RAP1GDS1: variants seen among roughly 807,000 people sequenced by gnomAD.
RAP1GDS1 encodes RAP1, GTP-GDP dissociation stimulator 1.
In RAP1GDS1, 35 loss-of-function variants were observed where a neutral mutation model predicts 71.1. The ratio of observed to expected loss-of-function variants is 0.49; its 90% CI spans 0.38 to 0.65. The LOEUF (loss-of-function observed/expected upper bound fraction) is 0.65. RAP1GDS1 is among the 30% of genes least tolerant of loss of function. The pLI, the probability that RAP1GDS1 is intolerant of heterozygous loss-of-function variation, is 0.00. For missense variants in RAP1GDS1, 663 were observed against 706.1 expected (o/e 0.94, Z 0.69); for synonymous variants, 229 against 243.1 (o/e 0.94, Z 0.54).
intron 1 of RAP1GDS1, among the ~76,000 whole-genome samples, chr4:98,275,528 A>G (rs1313751596): frequency 1.3e-5 from 2 of 152,100 alleles, no homozygotes; most frequent in African/African-American, 4.8e-5. Context: ...TTTTCCCTTA[A>G]TTTTATTCAA....
At chr4:98,308,944 A>G (rs1319666387) in intron 2 of RAP1GDS1, among the ~76,000 whole-genome samples, 1 of 152,110 alleles carries the variant, frequency 6.6e-6, no homozygotes, top group Non-Finnish European at 1.5e-5. Context: ...TTACACTTAC[A>G]AGGTCGTATT....
At chr4:98,435,295 C>G (rs1046933800) in intron 13 of RAP1GDS1, among the ~76,000 whole-genome samples, 25 of 152,110 alleles carry the variant, frequency 1.6e-4, no homozygotes, top group African/African-American at 6.0e-4. Flanking sequence ...GTGTAATGAT[C>G]AAGTCAAGGT....
chr4:98,419,922 A>T (rs1748571006), intron 10 of RAP1GDS1, 97 bp from the exon 11 acceptor site: 1 of 1,192,762 alleles, frequency 8.4e-7, no homozygotes, highest in Admixed American at 2.9e-5. Flanking sequence ...AAAATAAAAC[A>T]TGGATCTTAA....
intron 5 of RAP1GDS1, among the ~76,000 whole-genome samples, chr4:98,390,178 A>G (rs537594965): frequency 1.2e-4 from 18 of 152,242 alleles, no homozygotes; most frequent in African/African-American, 3.6e-4. Flanking sequence ...TAACTTGGAA[A>G]GCTCCTTGGT....
At chr4:98,411,843 T>C (rs1747110418) in intron 7 of RAP1GDS1, among the ~76,000 whole-genome samples, 1 of 152,206 alleles carries the variant, frequency 6.6e-6, no homozygotes, top group Non-Finnish European at 1.5e-5. Context: ...TCAAGGATTT[T>C]AGTATTTTTA....
intron 6 of RAP1GDS1, among the ~76,000 whole-genome samples, chr4:98,403,063 C>G (rs1446029045): frequency 6.6e-6 from 1 of 152,030 alleles, no homozygotes; most frequent in South Asian, 2.1e-4. Flanking sequence ...AAATGTCTAC[C>G]TCCTACATAC....
rs763484599 is a variant in RAP1GDS1, at chr4:98,293,463, G to A, written c.60G>A (p.Glu20=). Residue 20 remains glutamate (E), a synonymous_variant, in exon 2 of 15, where the codon GAG becomes GAA. Transcript: ENST00000408927. Reference sequence around the variant, plus strand: ...AGATAACAGCTGTTGACAAGACTGAGGATAGTTTAGAAGGATGCTTGGATT... The same window carrying A: ...AGATAACAGCTGTTGACAAGACTGAAGATAGTTTAGAAGGATGCTTGGATT... The part of the protein sequence containing the change: ...KLKITAVDKT[E]DSLEGCLDCL... 4 of 1,610,470 alleles carry A rather than the reference G, an allele frequency of 2.5e-6. No individual in the cohort carries two copies. Among genetic ancestry groups the A allele is most frequent in the Non-Finnish European group, 2.5e-6 (3 of 1,178,784 alleles).
intron 6 of RAP1GDS1, among the ~76,000 whole-genome samples, chr4:98,399,523 G>A (rs1455647842): frequency 6.6e-6 from 1 of 152,042 alleles, no homozygotes; most frequent in Non-Finnish European, 1.5e-5. Flanking sequence ...TGAACTCCTG[G>A]GCTCAAGCAG....
intron 2 of RAP1GDS1, among the ~76,000 whole-genome samples, chr4:98,295,997 A>G (rs986465298): frequency 4.7e-4 from 71 of 151,672 alleles, no homozygotes; most frequent in Non-Finnish European, 1.8e-4. Flanking sequence ...ATTATAAAAC[A>G]TTTAACTTAG....
At chr4:98,325,823 G>C (rs1251462450) in intron 2 of RAP1GDS1, among the ~76,000 whole-genome samples, 1 of 150,262 alleles carries the variant, frequency 6.7e-6, no homozygotes, top group Non-Finnish European at 1.5e-5. Context: ...CCTAATGCTA[G>C]ATGACGAGTT....
chr4:98,434,785 T>C (rs1421431517), intron 13 of RAP1GDS1, among the ~76,000 whole-genome samples: 1 of 152,042 alleles, frequency 6.6e-6, no homozygotes, highest in African/African-American at 2.4e-5. Context: ...TGTGCCTGAC[T>C]AATTTTTGTA....
intron 4 of RAP1GDS1, among the ~76,000 whole-genome samples, chr4:98,354,484 A>T (rs1440978308): frequency 6.6e-6 from 1 of 152,232 alleles, no homozygotes; most frequent in African/African-American, 2.4e-5. Flanking sequence ...ATAAAATAGA[A>T]ATACACACAG....
At chr4:98,276,303 A>G (rs896231281) in intron 1 of RAP1GDS1, among the ~76,000 whole-genome samples, 6 of 152,156 alleles carry the variant, frequency 3.9e-5, no homozygotes, top group Non-Finnish European at 7.3e-5. Context: ...GGATTTCAAC[A>G]TATGAATTTT....
chr4:98,418,803 G>A lies in RAP1GDS1; in HGVS notation c.1174+12G>A, dbSNP rs537114809. The A allele has an allele frequency of 6.3e-7, 1 of 1,580,340 alleles. No homozygotes were observed. Among genetic ancestry groups the A allele is most frequent in the Non-Finnish European group, 8.6e-7 (1 of 1,167,484 alleles). ...CCTGGCCATTCCAGGTAAGACTTAA[G>A]AATAGAAGGCAGCTGTGTACAAAAT... On this transcript the variant is annotated intron_variant, in intron 10 of 14. Transcript: ENST00000408927.
intron 12 of RAP1GDS1, among the ~76,000 whole-genome samples, chr4:98,430,046 T>G (rs1347330390): frequency 2.0e-5 from 3 of 152,112 alleles, no homozygotes. Context: ...ATTTTGAGGC[T>G]TTTCTGTGAA....
chr4:98,282,130 A>G (rs1317642746), intron 1 of RAP1GDS1, among the ~76,000 whole-genome samples: 8 of 152,158 alleles, frequency 5.3e-5, no homozygotes, highest in African/African-American at 1.9e-4. Flanking sequence ...TCATAAAATG[A>G]GTTAGGGAGG....
At chr4:98,367,843 G>A (rs575781870) in intron 4 of RAP1GDS1, among the ~76,000 whole-genome samples, 20 of 152,250 alleles carry the variant, frequency 1.3e-4, no homozygotes, top group African/African-American at 4.8e-4. Context: ...TAACTAACTT[G>A]CTTTTGATTT....
chr4:98,326,576 C>G (rs540235119), intron 2 of RAP1GDS1, among the ~76,000 whole-genome samples: 1 of 152,256 alleles, frequency 6.6e-6, no homozygotes, highest in East Asian at 1.9e-4. Flanking sequence ...TTAATCACTT[C>G]TGTTTCTTTT....
In RAP1GDS1 at chr4:98,261,536, C is replaced by A. The variant is rs1317844466; in HGVS notation, c.-30C>A. On this transcript the variant is annotated 5_prime_UTR_variant, in exon 1 of 15. Coordinates refer to ENST00000408927, the MANE Select transcript of RAP1GDS1 (RefSeq NM_001100427.2). ...CCCGCACCACAGACCTTCGCCTCGC[C>A]CCGCCGGTTCCTCACCCTCGGGGAG... 6.3e-7 allele frequency: 1 copy of A among 1,597,474 alleles called. No homozygotes were observed. Among genetic ancestry groups the A allele is most frequent in the Non-Finnish European group, 8.5e-7 (1 of 1,170,732 alleles).
Sources: allele counts gnomAD v4.1 joint callset (sites outside exome capture counted in the v4.1 genomes callset), GRCh38; gene constraint gnomAD v4.1.1; transcripts MANE v1.5; gene names NCBI Gene and HGNC (gene_info 2026-07-23, HGNC 2026-07-21).